The following PCCB variants were observed in gnomAD, a reference collection of about 807,000 sequenced individuals.
PCCB encodes the protein propionyl-CoA carboxylase subunit beta, also known as propionyl-CoA carboxylase beta chain, mitochondrial.
In PCCB, 43 loss-of-function variants were observed where a neutral mutation model predicts 60.7. The observed-to-expected ratio is 0.71, with a 90% CI of 0.55 to 0.91. The LOEUF (loss-of-function observed/expected upper bound fraction) is 0.91. PCCB is among the 40% of genes least tolerant of loss of function. PCCB has a pLI of 0.00. For missense variants in PCCB, 766 were observed against 702.8 expected (o/e 1.09, Z -1.02); for synonymous variants, 276 against 255.9 (o/e 1.08, Z -0.75).
In PCCB at chr3:136,271,942, T is replaced by G. The variant is rs531984527; in HGVS notation, c.543+9877T>G. Among the ~76,000 whole-genome samples the G allele has an allele frequency of 2.2e-4, 34 of 152,332 alleles. No homozygotes were observed. In the South Asian group the frequency reaches 4.1e-3, roughly 19 times the overall value. On this transcript the variant is annotated intron_variant, in intron 5 of 14. Coordinates refer to ENST00000251654, the MANE Select transcript of PCCB (RefSeq NM_000532.5). ...GTGGGCATCCTTGTCTTGTTCCAGTTTTCAGGGGGAATGCTTTCAACTTTT... is the reference window on the plus strand; with the variant it reads ...GTGGGCATCCTTGTCTTGTTCCAGTGTTCAGGGGGAATGCTTTCAACTTTT...
At position 136,293,854 on chromosome 3, in the gene PCCB, C is replaced by T. The variant is rs2108197383; in HGVS notation, c.753C>T (p.Thr251=). The change falls in exon 7 of 15, where the codon ACC becomes ACT. Residue 251 remains threonine, a synonymous_variant. Transcript: ENST00000251654. The part of the protein sequence containing the change: ...QEELGGAKTH[T]TMSGVAHRAF... ...AGCTCGGTGGTGCCAAGACCCACACCACCATGTCAGGTGAGAGGCCTTGAA... is the reference window on the plus strand; with the variant it reads ...AGCTCGGTGGTGCCAAGACCCACACTACCATGTCAGGTGAGAGGCCTTGAA... The T allele has an allele frequency of 8.8e-6, 14 of 1,592,264 alleles. No homozygotes were observed. The highest frequency in any genetic ancestry group is 1.1e-5 in the Non-Finnish European group (13 of 1,160,286).
At chr3:136,299,777 T>C (rs1160659083) in intron 8 of PCCB, among the ~76,000 whole-genome samples, 4 of 151,474 alleles carry the variant, frequency 2.6e-5, no homozygotes, top group Admixed American at 6.6e-5. Context: ...TAGGTATGCA[T>C]GTGTATGTAT....
intron 5 of PCCB, among the ~76,000 whole-genome samples, chr3:136,277,418 G>A (rs1413360351): frequency 6.6e-6 from 1 of 152,166 alleles, no homozygotes; most frequent in Non-Finnish European, 1.5e-5. Flanking sequence ...ATTCGAGCTT[G>A]TCCTGTGTTG....
Position 136,330,048 on chromosome 3 carries a change from C to G in PCCB, c.*22C>G, listed in dbSNP as rs375496057. On this transcript the variant is annotated 3_prime_UTR_variant, in exon 15 of 15. Coordinates refer to ENST00000251654, the MANE Select transcript of PCCB (RefSeq NM_000532.5). ...GTAAACAAATCAAAGGAAAAGAAAC[C>G]AAGAACTGAATTACTGTCTGCCCAT... is the stretch of plus-strand genomic sequence containing the variant. 69 of 1,613,676 alleles carry G rather than the reference C, an allele frequency of 4.3e-5. No individual in the cohort carries two copies. Among genetic ancestry groups the G allele is most frequent in the Admixed American group, 8.3e-5 (5 of 59,982 alleles).
At chr3:136,274,001 C>T (rs2108167926) in intron 5 of PCCB, among the ~76,000 whole-genome samples, 1 of 150,002 alleles carries the variant, frequency 6.7e-6, no homozygotes, top group Admixed American at 6.7e-5. Context: ...CCCCCTTTAC[C>T]TTGAGGTTAT....
At position 136,282,753 on chromosome 3, in the gene PCCB, G is replaced by A. The variant is rs184985790; in HGVS notation, c.544-1084G>A. Among the ~76,000 whole-genome samples, 53 of 152,246 alleles carry A rather than the reference G, an allele frequency of 3.5e-4. 1 individual carries two copies. Among genetic ancestry groups the A allele is most frequent in the Admixed American group, 2.6e-3 (39 of 15,276 alleles). ...TCAGCACTCTTAATTGGTTCTTGTG[G>A]ATTTGAATTATAGTCTGGTGTTATT... On this transcript the variant is annotated intron_variant, in intron 5 of 14. Coordinates refer to ENST00000251654, the MANE Select transcript of PCCB (RefSeq NM_000532.5).
At chr3:136,260,280 G>T in intron 3 of PCCB, 199 bp from the exon 4 acceptor site, 2 of 663,620 alleles carry the variant, frequency 3.0e-6, no homozygotes, top group Non-Finnish European at 5.5e-6. Context: ...CTTCTGCCAT[G>T]TCGCCCAGGC....
chr3:136,293,736 C>T lies in PCCB; in HGVS notation c.655-20C>T, dbSNP rs755258738. 1 of 1,502,272 alleles carries T rather than the reference C, an allele frequency of 6.7e-7. No individual in the cohort carries two copies. The highest frequency in any genetic ancestry group is 9.3e-7 in the Non-Finnish European group (1 of 1,078,554). 93.1% of individuals were successfully genotyped at this position (1,502,272 alleles called of 1,614,324 possible). A position where few individuals can be genotyped will look rare whatever the true frequency, so the allele number is the denominator to read the frequency against. Reference sequence around the variant, plus strand: ...CTCTGGTGCTCTGAGGTTGACTGTTCTGGAAATCTTTTATTTCAGGACACC... The same window carrying T: ...CTCTGGTGCTCTGAGGTTGACTGTTTTGGAAATCTTTTATTTCAGGACACC... On this transcript the variant is annotated intron_variant, in intron 6 of 14. Coordinates refer to ENST00000251654, the MANE Select transcript of PCCB (RefSeq NM_000532.5).
chr3:136,319,224 T>A (rs1935021990), intron 10 of PCCB, among the ~76,000 whole-genome samples: 1 of 152,222 alleles, frequency 6.6e-6, no homozygotes, highest in South Asian at 2.1e-4. Flanking sequence ...GAAAAATGTC[T>A]ATTCAAGTCC....
chr3:136,284,281 G>T (rs1358044002), intron 6 of PCCB, among the ~76,000 whole-genome samples: 1 of 150,604 alleles, frequency 6.6e-6, no homozygotes, highest in African/African-American at 2.4e-5. Context: ...CTCATGGAAG[G>T]CTTTTCTGTA....
chr3:136,324,077 C>T (rs557052296), intron 10 of PCCB, among the ~76,000 whole-genome samples: 14 of 146,630 alleles, frequency 9.5e-5, no homozygotes, highest in Non-Finnish European at 1.9e-4. Context: ...TATTTTTTGT[C>T]ATTTGTGGTC....
In PCCB at chr3:136,279,659, T is replaced by TTTTA. The variant is rs746194509; in HGVS notation, c.544-4158_544-4155dup. On this transcript the variant is annotated intron_variant, in intron 5 of 14. Transcript: ENST00000251654. Reference sequence around the variant, plus strand: ...ATTGTTTCATGCATTTGCATTTTATTTTTATTTATTTATTTATTTATTTTT... The same window carrying TTTTA: ...ATTGTTTCATGCATTTGCATTTTATTTTTATTTATTTATTTATTTATTTATTTTT... Among the ~76,000 whole-genome samples the TTTTA allele has an allele frequency of 3.7e-4, 57 of 152,166 alleles. No homozygotes were observed. The South Asian group carries it at 6.2e-3, about 17-fold the overall frequency.
intron 9 of PCCB, among the ~76,000 whole-genome samples, chr3:136,313,948 A>G (rs566684615): frequency 3.9e-5 from 6 of 152,146 alleles, no homozygotes; most frequent in African/African-American, 7.2e-5. Flanking sequence ...AATGAACCCT[A>G]TAGTTGCACT....
At chr3:136,290,867 T>C (rs1001971133) in intron 6 of PCCB, among the ~76,000 whole-genome samples, 3 of 151,902 alleles carry the variant, frequency 2.0e-5, no homozygotes, top group African/African-American at 7.3e-5. Context: ...CCACAGTTTT[T>C]AGATACTCCA....
chr3:136,251,386 G>GT (rs1941511355), intron 1 of PCCB: 1 of 451,660 alleles, frequency 2.2e-6, no homozygotes, highest in African/African-American at 2.0e-5. Context: ...CAACGGGAAG[G>GT]TGCAGAAGTG....
At chr3:136,326,750 A>G (rs1935324948) in intron 10 of PCCB, 53 bp from the exon 11 acceptor site, 4 of 1,209,366 alleles carry the variant, frequency 3.3e-6, no homozygotes, top group Admixed American at 1.7e-5. Context: ...CCCATTGTGG[A>G]TAGAACTGGG....
At chr3:136,288,380 C>G (rs772925056) in intron 6 of PCCB, among the ~76,000 whole-genome samples, 2 of 152,044 alleles carry the variant, frequency 1.3e-5, no homozygotes, top group Non-Finnish European at 2.9e-5. Context: ...GAGTCTCCCC[C>G]TCTCACCCAG....
chr3:136,289,144 C>T (rs989009731), intron 6 of PCCB, among the ~76,000 whole-genome samples: 19 of 152,306 alleles, frequency 1.2e-4, no homozygotes, highest in African/African-American at 4.6e-4. Context: ...AGGCATGAGA[C>T]ACTGTGCCCA....
chr3:136,301,555 G>A (rs557498136), intron 9 of PCCB, among the ~76,000 whole-genome samples: 1 of 152,164 alleles, frequency 6.6e-6, no homozygotes, highest in East Asian at 1.9e-4. Flanking sequence ...TGGGAGACAG[G>A]AGCCATTTGT....
Sources: allele counts gnomAD v4.1 joint callset (sites outside exome capture counted in the v4.1 genomes callset), GRCh38; gene constraint gnomAD v4.1.1; transcripts MANE v1.5; gene names NCBI Gene and HGNC (gene_info 2026-07-23, HGNC 2026-07-21).